Variants in IRF2 observed in about 807,000 individuals in gnomAD.
IRF2 encodes the protein interferon regulatory factor 2.
In IRF2, 15 loss-of-function variants were observed where a neutral mutation model predicts 40.6. That is an observed-to-expected ratio of 0.37 (90% CI 0.25 to 0.57). The LOEUF (loss-of-function observed/expected upper bound fraction) is 0.57. IRF2 is among the 20% of genes least tolerant of loss of function. The probability of loss-of-function intolerance (pLI) is 0.77; values close to 1 mark genes in which losing one functional copy is unlikely to be tolerated. For synonymous variants in IRF2, 151 were observed against 165.5 expected (o/e 0.91, Z 0.67); for missense variants, 317 against 455.7 (o/e 0.70, Z 2.77).
intron 1 of IRF2, among the ~76,000 whole-genome samples, chr4:184,460,567 T>C (rs1162766757): frequency 6.6e-6 from 1 of 152,176 alleles, no homozygotes; most frequent in African/African-American, 2.4e-5. Context: ...AGTGCTTTTA[T>C]GGATGATAAT....
At chr4:184,398,759 A>T (rs1301360660) in intron 7 of IRF2, among the ~76,000 whole-genome samples, 156 bp downstream of exon 7, 1 of 152,190 alleles carries the variant, frequency 6.6e-6, no homozygotes, top group Non-Finnish European at 1.5e-5. Context: ...GTCCAAGAAG[A>T]TGTTGATCAA....
rs1355870232 is a variant in IRF2 at position 184,454,267 on chromosome 4, G to C, written c.-7+20112C>G. Among the ~76,000 whole-genome samples the C allele has an allele frequency of 2.6e-5, 4 of 152,258 alleles. No homozygotes were observed. In the East Asian group the frequency reaches 7.7e-4, roughly 29 times the overall value. On this transcript the variant is annotated intron_variant, in intron 1 of 8. Coordinates refer to ENST00000393593, the MANE Select transcript of IRF2 (RefSeq NM_002199.4). The stretch of plus-strand genomic sequence containing the variant: ...AGGGAGCTCTCCATAAAGGTTACCA[G>C]CTATTCTTGGTGTTATTATTATTAA...
intron 1 of IRF2, among the ~76,000 whole-genome samples, chr4:184,459,999 G>C (rs1387312907): frequency 6.6e-6 from 1 of 152,184 alleles, no homozygotes; most frequent in Non-Finnish European, 1.5e-5. Flanking sequence ...CCATTCTACA[G>C]AATTGAAATA....
intron 1 of IRF2, among the ~76,000 whole-genome samples, chr4:184,436,514 G>A (rs1738083832): frequency 6.6e-6 from 1 of 152,200 alleles, no homozygotes; most frequent in Non-Finnish European, 1.5e-5. Flanking sequence ...AGAAGGTAGT[G>A]TATTATTAAT....
At chr4:184,402,000 AGTCG>A (rs1420536040) in intron 6 of IRF2, among the ~76,000 whole-genome samples, 1 of 152,206 alleles carries the variant, frequency 6.6e-6, no homozygotes, top group African/African-American at 2.4e-5. Context: ...ATGACGTCCT[AGTCG>A]GTTATTCAAC....
At chr4:184,472,452 C>A (rs1393403522) in intron 1 of IRF2, 1 of 152,120 alleles carries the variant, frequency 6.6e-6, no homozygotes, top group African/African-American at 2.4e-5. Context: ...TAGTAAATGA[C>A]TGCAGGCTTG....
At chr4:184,393,300 T>C (rs574322502) in intron 7 of IRF2, among the ~76,000 whole-genome samples, 1 of 152,342 alleles carries the variant, frequency 6.6e-6, no homozygotes, top group Admixed American at 6.5e-5. Context: ...CGCTTTCCAT[T>C]TTATGCTTAG....
chr4:184,441,085 T>C (rs1292701714), intron 1 of IRF2, among the ~76,000 whole-genome samples: 1 of 152,224 alleles, frequency 6.6e-6, no homozygotes, highest in Admixed American at 6.5e-5. Flanking sequence ...CTTGAAGTCA[T>C]AAAACTCACT....
intron 6 of IRF2, among the ~76,000 whole-genome samples, chr4:184,403,397 C>G (rs1435504420): frequency 6.6e-6 from 1 of 152,166 alleles, no homozygotes; most frequent in Non-Finnish European, 1.5e-5. Context: ...AGTAAACAGT[C>G]AGAAGTGGCA....
intron 1 of IRF2, among the ~76,000 whole-genome samples, chr4:184,453,375 G>A (rs990310808): frequency 6.6e-5 from 10 of 152,196 alleles, no homozygotes; most frequent in African/African-American, 2.2e-4. Flanking sequence ...AGCAAAGCAA[G>A]AATCATGCAC....
intron 6 of IRF2, among the ~76,000 whole-genome samples, chr4:184,403,039 T>C (rs1230012302): frequency 6.6e-6 from 1 of 152,194 alleles, no homozygotes; most frequent in African/African-American, 2.4e-5. Context: ...TGGGCTATGA[T>C]CTGGATACCA....
intron 6 of IRF2, among the ~76,000 whole-genome samples, chr4:184,403,071 T>C (rs924813036): frequency 6.6e-6 from 1 of 152,208 alleles, no homozygotes; most frequent in East Asian, 1.9e-4. Context: ...TTACGTTATC[T>C]CTCAGGCCAA....
intron 1 of IRF2, 130 bp from the exon 2 acceptor site, chr4:184,429,200 G>GGA: frequency 6.3e-6 from 4 of 635,542 alleles, no homozygotes; most frequent in Non-Finnish European, 8.4e-6. Context: ...GGGCTGGGGG[G>GGA]TCGGTGTACT....
At chr4:184,402,315 A>C (rs967120588) in intron 6 of IRF2, among the ~76,000 whole-genome samples, 1 of 152,092 alleles carries the variant, frequency 6.6e-6, no homozygotes, top group Non-Finnish European at 1.5e-5. Context: ...GGCAGCATTC[A>C]CCATGCCCCT....
At chr4:184,394,991 A>C (rs1337948281) in intron 7 of IRF2, among the ~76,000 whole-genome samples, 2 of 152,238 alleles carry the variant, frequency 1.3e-5, no homozygotes, top group African/African-American at 4.8e-5. Flanking sequence ...ACAGAGGAGA[A>C]GACAGACTTG....
intron 1 of IRF2, among the ~76,000 whole-genome samples, chr4:184,453,398 A>G (rs1738799608): frequency 6.6e-6 from 1 of 152,258 alleles, no homozygotes; most frequent in Non-Finnish European, 1.5e-5. Flanking sequence ...ATTTCAAAGC[A>G]TATGGACTCG....
chr4:184,414,506 G>T (rs1737191579), intron 5 of IRF2, among the ~76,000 whole-genome samples: 1 of 152,182 alleles, frequency 6.6e-6, no homozygotes, highest in Non-Finnish European at 1.5e-5. Flanking sequence ...GTACCCAGCT[G>T]TTTTTCTTGT....
intron 1 of IRF2, among the ~76,000 whole-genome samples, chr4:184,449,729 G>T (rs1223033520): frequency 2.0e-5 from 3 of 152,214 alleles, no homozygotes; most frequent in African/African-American, 7.2e-5. Context: ...AGGTTTTCAA[G>T]ATACAATCTG....
chr4:184,447,504 G>A (rs1418741428), intron 1 of IRF2, among the ~76,000 whole-genome samples: 1 of 152,146 alleles, frequency 6.6e-6, no homozygotes, highest in Admixed American at 6.5e-5. Flanking sequence ...GTGAGTAAAA[G>A]GCTGGTGAAA....
Sources: allele counts gnomAD v4.1 joint callset (sites outside exome capture counted in the v4.1 genomes callset), GRCh38; gene constraint gnomAD v4.1.1; transcripts MANE v1.5; gene names NCBI Gene and HGNC (gene_info 2026-07-23, HGNC 2026-07-21).